CR1L: variants seen among roughly 807,000 people sequenced by gnomAD.
CR1L encodes complement component receptor 1-like protein.
In CR1L, 59 loss-of-function variants were observed where a neutral mutation model predicts 62.3. That is an observed-to-expected ratio of 0.95 (90% CI 0.77 to 1.18). The LOEUF (loss-of-function observed/expected upper bound fraction) is 1.18, where lower values mean the gene tolerates loss of function less well. Among genes scored for constraint, CR1L ranks in the 50% most tolerant of loss-of-function variants. CR1L has a pLI of 0.00. For missense variants in CR1L, 700 were observed against 702.8 expected, an observed-to-expected ratio of 1.00 and a Z score of 0.04; for synonymous variants, 279 against 248.7, an observed-to-expected ratio of 1.12 and a Z score of -1.15.
intron 4 of CR1L, among the ~76,000 whole-genome samples, chr1:207,688,982 C>A (rs932077219): frequency 7.2e-5 from 11 of 152,060 alleles, no homozygotes; most frequent in African/African-American, 2.7e-4. Flanking sequence ...GTTTTTAAAT[C>A]TTTTCCTTTC....
Position 207,683,871 on chromosome 1 carries a change from G to T in CR1L, c.378-1G>T. 6.2e-7 allele frequency: 1 copy of T among 1,612,880 alleles called. No individual in the cohort carries two copies. Among genetic ancestry groups the T allele is most frequent in the Non-Finnish European group, 8.5e-7 (1 of 1,179,274 alleles). ...TAACATTCCTTATTTTTTGCCTCTA[G>T]ATACCGACTCATTGGTTCCTCGTCT... On this transcript the variant is annotated splice_acceptor_variant, in intron 3 of 11. Coordinates refer to ENST00000508064, the MANE Select transcript of CR1L (RefSeq NM_175710.2). LOFTEE classifies it high-confidence loss of function.
At chr1:207,671,132 G>A (rs1484379887) in intron 1 of CR1L, among the ~76,000 whole-genome samples, 1 of 151,006 alleles carries the variant, frequency 6.6e-6, no homozygotes, top group Non-Finnish European at 1.5e-5. Flanking sequence ...CTGACCTTCA[G>A]TGTCCACGTG....
chr1:207,696,063 AT>A (rs1664097199), intron 5 of CR1L, among the ~76,000 whole-genome samples: 2 of 152,188 alleles, frequency 1.3e-5, no homozygotes, highest in African/African-American at 4.8e-5. Flanking sequence ...CTCCCTAGCA[AT>A]AGGACGAAGG....
chr1:207,723,439 A>G (rs1028676530), intron 11 of CR1L, among the ~76,000 whole-genome samples, 179 bp from the exon 12 acceptor site: 4 of 151,058 alleles, frequency 2.6e-5, no homozygotes, highest in African/African-American at 9.8e-5. Context: ...AAAAAAAAAA[A>G]TCTTCTCTGA....
Position 207,710,933 on chromosome 1 carries a change from G to A in CR1L, c.1414+2670G>A, listed in dbSNP as rs570632337. On this transcript the variant is annotated intron_variant, in intron 10 of 11. Coordinates refer to ENST00000508064, the MANE Select transcript of CR1L (RefSeq NM_175710.2). The stretch of plus-strand genomic sequence containing the variant: ...GAAGAAGCATGAAATTAAGAATCTG[G>A]GGTGTGCAAGCACTCATGCATATGT... 3.6e-6 allele frequency: 3 copies of A among 829,870 alleles called. No individual in the cohort carries two copies. The Admixed American group carries it at 7.7e-5, about 21-fold the overall frequency. The allele number at this position is 829,870 out of a possible 1,614,324, so 51.4% of individuals were successfully genotyped here.
At chr1:207,647,560 G>C (rs1558008357) in intron 1 of CR1L, among the ~76,000 whole-genome samples, 1 of 152,162 alleles carries the variant, frequency 6.6e-6, no homozygotes, top group Non-Finnish European at 1.5e-5. Context: ...AGCCCCATTT[G>C]TTTGCTTCTG....
intron 1 of CR1L, chr1:207,655,287 C>CTT (rs372554262): frequency 8.7e-4 from 402 of 461,756 alleles, no homozygotes; most frequent in South Asian, 1.6e-3. Context: ...TAAGTAAATT[C>CTT]TTTTTTTTTT....
At chr1:207,707,558 G>A (rs1442067642) in intron 9 of CR1L, among the ~76,000 whole-genome samples, 1 of 152,122 alleles carries the variant, frequency 6.6e-6, no homozygotes, top group East Asian at 1.9e-4. Context: ...AACTCGGGAG[G>A]CAGAGGTTGC....
chr1:207,711,093 G>A (rs562019723), intron 10 of CR1L, among the ~76,000 whole-genome samples: 1 of 152,270 alleles, frequency 6.6e-6, no homozygotes. Flanking sequence ...TGGACTTTAT[G>A]GTCAGCTGTG....
intron 1 of CR1L, 32 bp downstream of exon 1, chr1:207,645,362 G>A: frequency 6.2e-7 from 1 of 1,609,560 alleles, no homozygotes; most frequent in East Asian, 2.2e-5. Context: ...GCGCGTCCGC[G>A]GCGAGGCTAG....
intron 1 of CR1L, among the ~76,000 whole-genome samples, chr1:207,664,200 G>A (rs1172742623): frequency 1.3e-5 from 2 of 152,162 alleles, no homozygotes; most frequent in Admixed American, 1.3e-4. Flanking sequence ...CACTTTCCTT[G>A]CAGCAGAAGC....
chr1:207,710,651 A>G (rs1664341026), intron 10 of CR1L: 2 of 1,610,096 alleles, frequency 1.2e-6, no homozygotes, highest in Non-Finnish European at 1.7e-6. Flanking sequence ...GTCTGACAAC[A>G]GAAGCTTATT....
At position 207,697,509 on chromosome 1, in the gene CR1L, A is replaced by T; in HGVS notation, c.869A>T (p.Gln290Leu). 1 of 1,613,766 alleles carries T rather than the reference A, an allele frequency of 6.2e-7. No homozygotes were observed. The highest frequency in any genetic ancestry group is 8.5e-7 in the Non-Finnish European group (1 of 1,179,710). Reference sequence around the variant, plus strand: ...TTTGTTTCTCTCTCCCCAGTATGTCAGCCACCTCCAGATGTCCTGCATGCT... The same window carrying T: ...TTTGTTTCTCTCTCCCCAGTATGTCTGCCACCTCCAGATGTCCTGCATGCT... ...PELPSCSRVC[Q>L]PPPDVLHAER... Residue 290 changes from glutamine (Q) to leucine (L), a missense_variant, in exon 6 of 12, where the codon CAG becomes CTG. Transcript: ENST00000508064.
intron 10 of CR1L, among the ~76,000 whole-genome samples, chr1:207,716,870 G>T (rs1355453885): frequency 6.6e-6 from 1 of 152,122 alleles, no homozygotes; most frequent in Non-Finnish European, 1.5e-5. Flanking sequence ...AAAGAAGGAA[G>T]AAATGATGGC....
chr1:207,705,361 A>G (rs1445513719), intron 9 of CR1L, among the ~76,000 whole-genome samples: 4 of 152,216 alleles, frequency 2.6e-5, no homozygotes, highest in Admixed American at 2.0e-4. Context: ...AATTCAACCT[A>G]TAACAGAGTC....
At position 207,645,926 on chromosome 1, in the gene CR1L, A is replaced by G. The variant is rs538249179; in HGVS notation, c.97+596A>G. Among the ~76,000 whole-genome samples, 6 of 152,328 alleles carry G rather than the reference A, an allele frequency of 3.9e-5. No individual in the cohort carries two copies. The South Asian group carries it at 1.2e-3, about 32-fold the overall frequency. ...CCTGTGTGCGGAGTTCACTGTGGGC[A>G]AGACAGCTCACTGTTTGCTTTGAGT... On this transcript the variant is annotated intron_variant, in intron 1 of 11. Transcript: ENST00000508064.
intron 1 of CR1L, among the ~76,000 whole-genome samples, chr1:207,662,551 A>T (rs1663442227): frequency 6.6e-6 from 1 of 151,796 alleles, no homozygotes; most frequent in Admixed American, 6.6e-5. Context: ...CATTCATCTA[A>T]TTTTTTTTCA....
chr1:207,670,947 C>T (rs1453795901), intron 1 of CR1L, among the ~76,000 whole-genome samples: 1 of 150,976 alleles, frequency 6.6e-6, no homozygotes, highest in Non-Finnish European at 1.5e-5. Flanking sequence ...TGTGCACAGT[C>T]CTTTGGAATT....
At chr1:207,650,767 A>T (rs1663210135) in intron 1 of CR1L, among the ~76,000 whole-genome samples, 1 of 150,672 alleles carries the variant, frequency 6.6e-6, no homozygotes, top group Non-Finnish European at 1.5e-5. Flanking sequence ...GAAGTTGAAC[A>T]GTTCAGTGGA....
Sources: allele counts gnomAD v4.1 joint callset (sites outside exome capture counted in the v4.1 genomes callset), GRCh38; gene constraint gnomAD v4.1.1; transcripts MANE v1.5; gene names NCBI Gene and HGNC (gene_info 2026-07-23, HGNC 2026-07-21).